The following SELENBP1 variants were observed in gnomAD, a reference collection of about 807,000 sequenced individuals.
SELENBP1 encodes methanethiol oxidase.
Under a neutral mutation model 61.0 loss-of-function variants are expected in SELENBP1, and 71 were observed. That is an observed-to-expected ratio of 1.16 (90% CI 0.96 to 1.42). The LOEUF (loss-of-function observed/expected upper bound fraction) is 1.42. Among genes scored for constraint, SELENBP1 ranks in the 40% most tolerant of loss-of-function variants. The probability of loss-of-function intolerance (pLI) is 0.00; values close to 1 mark genes in which losing one functional copy is unlikely to be tolerated. For synonymous variants in SELENBP1, 270 were observed against 238.9 expected (o/e 1.13, Z -1.20); for missense variants, 561 against 605.0 (o/e 0.93, Z 0.76).
chr1:151,364,787 G>A (rs1194048471), intron 11 of SELENBP1, 82 bp from the exon 12 acceptor site: 46 of 1,516,362 alleles, frequency 3.0e-5, no homozygotes, highest in Non-Finnish European at 3.7e-5. Flanking sequence ...AAGCTCCTGA[G>A]GAAGGAGGAA....
At position 151,366,260 on chromosome 1, in the gene SELENBP1, G is replaced by C; in HGVS notation, c.843+15C>G. Reference sequence around the variant, plus strand: ...CAAGACTACTGGGAGGGGAGGGCCAGAGGGCGTATGTCACCTCGTTCTTGT... The same window carrying C: ...CAAGACTACTGGGAGGGGAGGGCCACAGGGCGTATGTCACCTCGTTCTTGT... On this transcript the variant is annotated intron_variant, in intron 7 of 11. Transcript: ENST00000368868. The C allele has an allele frequency of 6.2e-7, 1 of 1,606,926 alleles. No individual in the cohort carries two copies. The highest frequency in any genetic ancestry group is 1.1e-5 in the South Asian group (1 of 90,810).
At position 151,369,834 on chromosome 1, in the gene SELENBP1, T is replaced by C. The variant is rs1249051329; in HGVS notation, c.5-65A>G. On this transcript the variant is annotated intron_variant, in intron 1 of 11. Transcript: ENST00000368868. ...GGAGGGTGAAGGCTCCCTCCGCACG[T>C]TCTGCAGCACACATCCCAGCGGGCC... is the stretch of plus-strand genomic sequence containing the variant. The C allele has an allele frequency of 3.9e-6, 6 of 1,551,584 alleles. No individual in the cohort carries two copies. In the African/African-American group the frequency reaches 8.2e-5, roughly 21 times the overall value.
rs1439385830 is a variant in SELENBP1 at position 151,369,700 on chromosome 1, C to A, written c.61+13G>T. The A allele has an allele frequency of 1.9e-6, 3 of 1,551,242 alleles. No homozygotes were observed. Among genetic ancestry groups the A allele is most frequent in the Non-Finnish European group, 1.7e-6 (2 of 1,146,666 alleles). ...AGTAGTAGGGCGCTGGCTCTCAGAC[C>A]ATGGGCAATTACCTTTCATGGCCTC... On this transcript the variant is annotated intron_variant, in intron 2 of 11. Transcript: ENST00000368868.
chr1:151,365,788 C>T lies in SELENBP1; in HGVS notation c.902G>A (p.Trp301Ter). 6.2e-7 allele frequency: 1 copy of T among 1,614,174 alleles called. No individual in the cohort carries two copies. The highest frequency in any genetic ancestry group is 8.5e-7 in the Non-Finnish European group (1 of 1,180,018). ...CTCACCTGGCATTTCGGGCAGCAGC[C>T]AGCCCTTCACTTTCTTGGGGGGCAC... is the stretch of plus-strand genomic sequence containing the variant. ...IQVPPKKVKG[W>*]LLPEMPGLIT... Residue 301 changes from tryptophan (W) to a stop codon, truncating the protein, a stop_gained, in exon 8 of 12, where the codon TGG (tryptophan) becomes TAG (stop). Transcript: ENST00000368868. LOFTEE classifies it high-confidence loss of function.
chr1:151,368,957 G>A, intron 4 of SELENBP1, 47 bp downstream of exon 4: 1 of 1,553,280 alleles, frequency 6.4e-7, no homozygotes, highest in Non-Finnish European at 8.8e-7. Context: ...TACCTGGGGT[G>A]GCAGGTGTCT....
intron 5 of SELENBP1, 83 bp from the exon 6 acceptor site, chr1:151,366,987 C>G: frequency 1.9e-6 from 3 of 1,546,944 alleles, no homozygotes; most frequent in South Asian, 2.5e-5. Flanking sequence ...CGAGGCATGT[C>G]TAAGAGGCTG....
At chr1:151,369,621 G>A (rs1264264504) in intron 2 of SELENBP1, 67 bp from the exon 3 acceptor site, 22 of 1,549,200 alleles carry the variant, frequency 1.4e-5, no homozygotes, top group Non-Finnish European at 1.6e-5. Context: ...AGTGCTGGGT[G>A]TGCCAGAGGG....
At chr1:151,370,018 T>A in intron 1 of SELENBP1, 1 of 1,437,994 alleles carries the variant, frequency 7.0e-7, no homozygotes, top group Non-Finnish European at 9.1e-7. Flanking sequence ...CCCGGGAGGG[T>A]GGGAGGAGGG....
intron 5 of SELENBP1, chr1:151,367,414 C>T (rs1651900412): frequency 7.1e-6 from 1 of 141,412 alleles, no homozygotes; most frequent in African/African-American, 2.6e-5. Flanking sequence ...TTCAGGCATC[C>T]AAAGGGTCTC....
intron 1 of SELENBP1, among the ~76,000 whole-genome samples, chr1:151,371,507 G>A (rs911123602): frequency 2.0e-5 from 3 of 152,080 alleles, no homozygotes; most frequent in African/African-American, 7.2e-5. Flanking sequence ...CCCAGCGAGA[G>A]GGCTGGAGGT....
intron 5 of SELENBP1, 163 bp from the exon 6 acceptor site, chr1:151,367,067 G>A: frequency 2.8e-6 from 4 of 1,426,576 alleles, no homozygotes; most frequent in Non-Finnish European, 3.7e-6. Flanking sequence ...AGGGCTGGGG[G>A]AAGAGTGGCT....
rs149951658 is a variant in SELENBP1 at position 151,366,748 on chromosome 1, C to T, written c.638G>A (p.Gly213Asp). 1 of 1,614,078 alleles carries T rather than the reference C, an allele frequency of 6.2e-7. No homozygotes were observed. The change falls in exon 6 of 12, where the codon GGC (glycine) becomes GAC (aspartate). Residue 213 changes from glycine (G) to aspartate (D), a missense_variant. Physicochemically the swap from Gly to Asp is moderately conservative, Grantham distance 94 (BLOSUM62 -1). Coordinates refer to ENST00000368868, the MANE Select transcript of SELENBP1 (RefSeq NM_003944.4). ...AGCCTCCACATCAGCGGGGTTGAAG[C>T]CATCTCGTAAGACATTGGGAGCTGC... ...EWAAPNVLRD[G>D]FNPADVEAGL...
In SELENBP1 at chr1:151,366,710, G is replaced by A; in HGVS notation, c.664+12C>T. ...GCCCAAGGCTCCTGCTGGCACATGG[G>A]GGGATTCTCACCAGCCTCCACATCA... On this transcript the variant is annotated intron_variant, in intron 6 of 11. Coordinates refer to ENST00000368868, the MANE Select transcript of SELENBP1 (RefSeq NM_003944.4). 2 of 1,611,746 alleles carry A rather than the reference G, an allele frequency of 1.2e-6. No individual in the cohort carries two copies. Among genetic ancestry groups the A allele is most frequent in the Non-Finnish European group, 1.7e-6 (2 of 1,178,182 alleles).
intron 5 of SELENBP1, 150 bp downstream of exon 5, chr1:151,368,049 C>T (rs1290767274): frequency 4.0e-6 from 4 of 1,005,806 alleles, no homozygotes; most frequent in African/African-American, 3.2e-5. Flanking sequence ...TACTTGCTAA[C>T]ATTTAAAATA....
rs1485217667 is a variant in SELENBP1, at chr1:151,369,426, C to T, written c.174+16G>A. 6.2e-7 allele frequency: 1 copy of T among 1,601,804 alleles called. No homozygotes were observed. The highest frequency in any genetic ancestry group is 1.1e-5 in the South Asian group (1 of 89,278). Reference sequence around the variant, plus strand: ...GCTATGGTCTCAAAGTAGCTGGCGCCCAAGCCCCGCCTAACCTGGCAATAC... The same window carrying T: ...GCTATGGTCTCAAAGTAGCTGGCGCTCAAGCCCCGCCTAACCTGGCAATAC... On this transcript the variant is annotated intron_variant, in intron 3 of 11. Coordinates refer to ENST00000368868, the MANE Select transcript of SELENBP1 (RefSeq NM_003944.4).
chr1:151,365,838 T>G lies in SELENBP1; in HGVS notation c.852A>C (p.Thr284=). The G allele has an allele frequency of 3.7e-6, 6 of 1,614,056 alleles. No homozygotes were observed. Among genetic ancestry groups the G allele is most frequent in the Non-Finnish European group, 5.1e-6 (6 of 1,179,956 alleles). ...IQRFYKNEGG[T]WSVEKVIQVP... ...CCTGGATCACCTTCTCCACTGACCATGTACCTCCCTACATTGAGGGGTGGA... is the reference window on the plus strand; with the variant it reads ...CCTGGATCACCTTCTCCACTGACCAGGTACCTCCCTACATTGAGGGGTGGA... Residue 284 remains threonine, a synonymous_variant, in exon 8 of 12, where the codon ACA becomes ACC. Coordinates refer to ENST00000368868, the MANE Select transcript of SELENBP1 (RefSeq NM_003944.4).
At chr1:151,369,369 G>A in intron 3 of SELENBP1, 73 bp downstream of exon 3, 1 of 1,476,438 alleles carries the variant, frequency 6.8e-7, no homozygotes, top group Non-Finnish European at 9.3e-7. Flanking sequence ...ATGGAGCTGG[G>A]AAGGGGGGGC....
chr1:151,365,376 T>A, intron 9 of SELENBP1, 95 bp from the exon 10 acceptor site: 1 of 1,475,938 alleles, frequency 6.8e-7, no homozygotes, highest in Non-Finnish European at 9.4e-7. Flanking sequence ...CCTCTCTCCT[T>A]TCAGACATGC....
intron 1 of SELENBP1, 110 bp downstream of exon 1, chr1:151,372,528 A>G (rs1382011409): frequency 1.5e-6 from 2 of 1,377,448 alleles, no homozygotes; most frequent in African/African-American, 2.9e-5. Flanking sequence ...AGAGTCCACT[A>G]CTCCCTCCCC....
Sources: allele counts gnomAD v4.1 joint callset (sites outside exome capture counted in the v4.1 genomes callset), GRCh38; gene constraint gnomAD v4.1.1; transcripts MANE v1.5; gene names NCBI Gene and HGNC (gene_info 2026-07-23, HGNC 2026-07-21).